Variants in NEGR1 observed in about 807,000 individuals in gnomAD.
NEGR1 encodes IgLON family member 4.
A neutral mutation model predicts 40.9 loss-of-function variants in NEGR1; 10 were observed. The observed-to-expected ratio is 0.24, with a 90% CI of 0.15 to 0.42. The LOEUF is 0.42. Among genes scored for constraint, NEGR1 ranks in the 10% least tolerant of loss-of-function variants. NEGR1 has a pLI of 1.00. For synonymous variants in NEGR1, 185 were observed against 166.8 expected (o/e 1.11, Z -0.84); for missense variants, 352 against 438.9 (o/e 0.80, Z 1.77).
chr1:71,770,828 A>C (rs2101711334), intron 3 of NEGR1, among the ~76,000 whole-genome samples: 1 of 152,350 alleles, frequency 6.6e-6, no homozygotes, highest in African/African-American at 2.4e-5. Context: ...GTGGAAAAAT[A>C]GGAGCACTTT....
chr1:71,504,791 T>G (rs1307358888), intron 6 of NEGR1, among the ~76,000 whole-genome samples: 1 of 152,082 alleles, frequency 6.6e-6, no homozygotes, highest in Non-Finnish European at 1.5e-5. Context: ...AAATGTTAAT[T>G]AGATTGAGAC....
intron 6 of NEGR1, among the ~76,000 whole-genome samples, chr1:71,429,049 C>A (rs17091206): frequency 0.019 from 2,823 of 152,138 alleles, 67 homozygotes; most frequent in African/African-American, 0.065. Flanking sequence ...TTAGAAGAAA[C>A]CCTGGTATGA....
chr1:72,189,033 G>A (rs970604727), intron 1 of NEGR1, among the ~76,000 whole-genome samples: 3 of 151,230 alleles, frequency 2.0e-5, no homozygotes, highest in Non-Finnish European at 3.0e-5. Context: ...TAAAAGTAAC[G>A]CATTTGCACA....
At chr1:71,993,964 C>T (rs1314809771) in intron 1 of NEGR1, among the ~76,000 whole-genome samples, 2 of 152,090 alleles carry the variant, frequency 1.3e-5, no homozygotes, top group African/African-American at 4.8e-5. Flanking sequence ...ATAATTTCTC[C>T]ACTCTTCTTA....
intron 6 of NEGR1, among the ~76,000 whole-genome samples, chr1:71,490,849 A>C (rs1646923224): frequency 6.6e-6 from 1 of 152,026 alleles, no homozygotes; most frequent in African/African-American, 2.4e-5. Flanking sequence ...TGGCTCCTTG[A>C]GTTGCTGAAT....
chr1:71,773,558 C>T lies in NEGR1; in HGVS notation c.535+2614G>A, dbSNP rs538171025. On this transcript the variant is annotated intron_variant, in intron 3 of 6. Transcript: ENST00000357731. ...CAAAAAAGCTAATAGAATTATCGGA[C>T]ATGTTCCTTAAAGCAGGAACTCCAG... is the stretch of plus-strand genomic sequence containing the variant. Among the ~76,000 whole-genome samples the T allele has an allele frequency of 4.6e-5, 7 of 152,276 alleles. No homozygotes were observed. The East Asian group carries it at 1.4e-3, about 29-fold the overall frequency.
intron 1 of NEGR1, among the ~76,000 whole-genome samples, chr1:72,133,888 T>G (rs955538525): frequency 6.6e-6 from 1 of 151,934 alleles, no homozygotes; most frequent in African/African-American, 2.4e-5. Context: ...TACTATTCAA[T>G]GTTTGCATAT....
At chr1:71,785,239 C>A (rs1656869437) in intron 2 of NEGR1, among the ~76,000 whole-genome samples, 1 of 152,160 alleles carries the variant, frequency 6.6e-6, no homozygotes. Context: ...TGCTGTATAT[C>A]ACAGGGAATC....
intron 3 of NEGR1, among the ~76,000 whole-genome samples, chr1:71,743,618 G>C (rs1655284801): frequency 6.6e-6 from 1 of 151,980 alleles, no homozygotes; most frequent in African/African-American, 2.4e-5. Context: ...TGCTATTGTT[G>C]TTCTCTCAGG....
At chr1:71,786,132 G>GA (rs901334316) in intron 2 of NEGR1, among the ~76,000 whole-genome samples, 6 of 151,746 alleles carry the variant, frequency 4.0e-5, no homozygotes, top group East Asian at 1.9e-4. Flanking sequence ...CATTAAGGAA[G>GA]AAAAAAAAGT....
intron 6 of NEGR1, among the ~76,000 whole-genome samples, chr1:71,564,212 G>C (rs1570037954): frequency 1.3e-5 from 2 of 152,054 alleles, no homozygotes; most frequent in Admixed American, 1.3e-4. Context: ...ATAAGTTTGG[G>C]AAGTACTGAT....
chr1:72,156,578 A>G (rs1435736786), intron 1 of NEGR1, among the ~76,000 whole-genome samples: 2 of 152,150 alleles, frequency 1.3e-5, no homozygotes, highest in African/African-American at 4.8e-5. Context: ...CAATAAATGC[A>G]AAGTTACATC....
intron 1 of NEGR1, among the ~76,000 whole-genome samples, chr1:72,265,507 G>A (rs1655608961): frequency 6.6e-6 from 1 of 150,764 alleles, no homozygotes; most frequent in Non-Finnish European, 1.5e-5. Flanking sequence ...CAAGTCAATT[G>A]TTAAGTGTAT....
At chr1:71,898,828 A>T (rs1344140830) in intron 2 of NEGR1, among the ~76,000 whole-genome samples, 2 of 148,542 alleles carry the variant, frequency 1.3e-5, no homozygotes, top group African/African-American at 4.9e-5. Flanking sequence ...TTACATATAT[A>T]TAAAAGAAAA....
At chr1:71,631,469 C>T (rs191329161) in intron 4 of NEGR1, among the ~76,000 whole-genome samples, 1 of 151,798 alleles carries the variant, frequency 6.6e-6, no homozygotes, top group Admixed American at 6.6e-5. Context: ...AACAAGAATT[C>T]TCTTCCCATC....
chr1:71,445,308 T>TA (rs1553142236), intron 6 of NEGR1, among the ~76,000 whole-genome samples: 3,064 of 145,078 alleles, frequency 0.021, 52 homozygotes, highest in South Asian at 0.078. Context: ...GCTTTTTTTT[T>TA]TAAAAAAAAA....
At chr1:72,192,173 CA>C (rs1652842165) in intron 1 of NEGR1, among the ~76,000 whole-genome samples, 1 of 151,710 alleles carries the variant, frequency 6.6e-6, no homozygotes, top group Admixed American at 6.6e-5. Context: ...TATGAAAATG[CA>C]GGGTGCTGAG....
intron 1 of NEGR1, among the ~76,000 whole-genome samples, chr1:72,014,653 A>G (rs1317453611): frequency 2.0e-5 from 3 of 152,074 alleles, no homozygotes; most frequent in African/African-American, 7.2e-5. Context: ...TTATATTCAT[A>G]TACCAAGATT....
At chr1:71,462,379 G>C (rs936442844) in intron 6 of NEGR1, among the ~76,000 whole-genome samples, 1 of 152,112 alleles carries the variant, frequency 6.6e-6, no homozygotes, top group African/African-American at 2.4e-5. Context: ...ATGCCAGGTA[G>C]AGGGCAATGG....
Sources: gnomAD v4.1 joint callset for allele counts (sites outside exome capture counted in the v4.1 genomes callset) on GRCh38, gnomAD v4.1.1 for gene constraint, MANE v1.5 for transcripts, NCBI Gene and HGNC (gene_info 2026-07-23, HGNC 2026-07-21) for gene names.